The following ADK variants were observed in gnomAD, a reference collection of about 807,000 sequenced individuals.
ADK encodes the protein N6,N6-dimethyladenosine kinase.
In ADK, 24 loss-of-function variants were observed where a neutral mutation model predicts 44.7. That is an observed-to-expected ratio of 0.54 (90% CI 0.39 to 0.76). The LOEUF (loss-of-function observed/expected upper bound fraction) is 0.76, where lower values mean the gene tolerates loss of function less well. ADK is among the 30% of genes least tolerant of loss of function. The probability of loss-of-function intolerance (pLI) is 0.00; values close to 1 mark genes in which losing one functional copy is unlikely to be tolerated. For synonymous variants in ADK, 128 were observed against 142.6 expected (o/e 0.90, Z 0.73); for missense variants, 321 against 425.1 (o/e 0.76, Z 2.15).
At chr10:74,188,079 G>T (rs1436214678) in intron 1 of ADK, among the ~76,000 whole-genome samples, 1 of 152,082 alleles carries the variant, frequency 6.6e-6, no homozygotes, top group Non-Finnish European at 1.5e-5. Flanking sequence ...TAAGCATTCA[G>T]GTTCTTCACT....
At chr10:74,245,169 G>A (rs1048879880) in intron 3 of ADK, among the ~76,000 whole-genome samples, 9 of 152,136 alleles carry the variant, frequency 5.9e-5, no homozygotes, top group African/African-American at 2.2e-4. Context: ...AAGGGTACAT[G>A]TATAACTTTC....
intron 2 of ADK, among the ~76,000 whole-genome samples, chr10:74,203,266 T>G (rs2132160570): frequency 6.6e-6 from 1 of 152,342 alleles, no homozygotes; most frequent in African/African-American, 2.4e-5. Context: ...CATAGATATA[T>G]GGGTAAATTT....
At chr10:74,698,657 A>T (rs1260066666) in intron 10 of ADK, among the ~76,000 whole-genome samples, 1 of 151,924 alleles carries the variant, frequency 6.6e-6, no homozygotes, top group East Asian at 1.9e-4. Context: ...GGCTTGGGTG[A>T]TCCTCCCACC....
At chr10:74,676,058 A>AG in intron 10 of ADK, among the ~76,000 whole-genome samples, 1 of 151,750 alleles carries the variant, frequency 6.6e-6, no homozygotes, top group Non-Finnish European at 1.5e-5. Flanking sequence ...AAAAAAAAAA[A>AG]ACACCTTCAT....
intron 4 of ADK, among the ~76,000 whole-genome samples, chr10:74,391,762 A>G: frequency 6.6e-6 from 1 of 151,738 alleles, no homozygotes. Flanking sequence ...TAAATGTACC[A>G]ATTAGTATAC....
Position 74,385,680 on chromosome 10 carries a change from A to G in ADK, c.274-8461A>G, listed in dbSNP as rs1002217494. On this transcript the variant is annotated intron_variant, in intron 4 of 10. Coordinates refer to ENST00000539909, the MANE Select transcript of ADK (RefSeq NM_006721.4). ...TTGTCATCGTCAGCTGTACTCTGTA[A>G]TAGGCACTGCCTTGAACACTTTGCT... Among the ~76,000 whole-genome samples, 5 of 152,166 alleles carry G rather than the reference A, an allele frequency of 3.3e-5. No individual in the cohort carries two copies. The East Asian group carries it at 5.8e-4, about 18-fold the overall frequency.
At chr10:74,467,104 G>A (rs1846385472) in intron 6 of ADK, among the ~76,000 whole-genome samples, 2 of 152,150 alleles carry the variant, frequency 1.3e-5, no homozygotes, top group Admixed American at 6.5e-5. Context: ...TATTGATCCA[G>A]CAGTGTAATT....
intron 3 of ADK, among the ~76,000 whole-genome samples, chr10:74,294,288 CTT>C (rs1215680885): frequency 3.4e-5 from 5 of 145,592 alleles, no homozygotes; most frequent in Admixed American, 6.9e-5. Flanking sequence ...TCTTTTCTTT[CTT>C]TTTTTTTTTT....
chr10:74,534,936 A>G (rs1480138853), intron 7 of ADK, among the ~76,000 whole-genome samples: 1 of 152,204 alleles, frequency 6.6e-6, no homozygotes, highest in East Asian at 1.9e-4. Context: ...TTCATTATTT[A>G]ATTATTTAAC....
At chr10:74,331,250 T>C (rs904304984) in intron 4 of ADK, among the ~76,000 whole-genome samples, 8 of 152,150 alleles carry the variant, frequency 5.3e-5, no homozygotes, top group African/African-American at 1.9e-4. Context: ...CAATGTGTTT[T>C]GAAAGTTTTG....
intron 10 of ADK, among the ~76,000 whole-genome samples, chr10:74,692,490 AAAAGAAAGAAGG>A (rs1230055524): frequency 2.6e-5 from 4 of 152,194 alleles, no homozygotes; most frequent in African/African-American, 9.6e-5. Context: ...AAAAATAAAA[AAAAGAAAGAAGG>A]AAAGAAATGA....
rs574698243 is a variant in ADK at position 74,533,053 on chromosome 10, T to G, written c.726+7627T>G. On this transcript the variant is annotated intron_variant, in intron 7 of 10. Coordinates refer to ENST00000539909, the MANE Select transcript of ADK (RefSeq NM_006721.4). Reference sequence around the variant, plus strand: ...ACAACCAGAAATTTAAAAATACGATTTCCAATACCATCAAAAAGTATAACA... The same window carrying G: ...ACAACCAGAAATTTAAAAATACGATGTCCAATACCATCAAAAAGTATAACA... Among the ~76,000 whole-genome samples, 38 of 152,288 alleles carry G rather than the reference T, an allele frequency of 2.5e-4. 1 individual carries two copies. In the South Asian group the frequency reaches 7.4e-3, roughly 30 times the overall value.
chr10:74,394,359 A>C, intron 5 of ADK, 46 bp downstream of exon 5: 1 of 1,559,462 alleles, frequency 6.4e-7, no homozygotes, highest in East Asian at 2.2e-5. Flanking sequence ...GGCTATTTTA[A>C]CACTGGTAAA....
intron 9 of ADK, among the ~76,000 whole-genome samples, chr10:74,620,511 T>G (rs7070707): frequency 3.9e-4 from 60 of 152,342 alleles, no homozygotes; most frequent in African/African-American, 1.3e-3. Flanking sequence ...CTTTATCCAT[T>G]TATCTGTTGT....
rs1564763581 is a variant in ADK at position 74,510,400 on chromosome 10, T to G, written c.556-14856T>G. On this transcript the variant is annotated intron_variant, in intron 6 of 10. Coordinates refer to ENST00000539909, the MANE Select transcript of ADK (RefSeq NM_006721.4). ...TTCAGATCATTTACCTATTTTTTAA[T>G]AAGATTGGTTTTTTGCTATTGAGAT... Among the ~76,000 whole-genome samples the G allele has an allele frequency of 2.6e-5, 4 of 152,184 alleles. No homozygotes were observed. In the South Asian group the frequency reaches 8.3e-4, roughly 31 times the overall value.
intron 3 of ADK, among the ~76,000 whole-genome samples, chr10:74,249,359 T>C (rs1043920189): frequency 2.6e-5 from 4 of 152,216 alleles, no homozygotes; most frequent in African/African-American, 4.8e-5. Flanking sequence ...ATTTGTTTTG[T>C]TTTCATTTGT....
At chr10:74,674,633 G>A (rs1855315319) in intron 10 of ADK, among the ~76,000 whole-genome samples, 1 of 152,126 alleles carries the variant, frequency 6.6e-6, no homozygotes, top group East Asian at 1.9e-4. Flanking sequence ...TGTAATCCCA[G>A]CACTTTGGGA....
intron 3 of ADK, among the ~76,000 whole-genome samples, chr10:74,262,496 G>A (rs1334617367): frequency 2.0e-5 from 3 of 152,236 alleles, no homozygotes; most frequent in Admixed American, 2.0e-4. Context: ...TCTCCTACCT[G>A]AACTTCAGAT....
chr10:74,179,583 G>A lies in ADK; in HGVS notation c.66-21181G>A, dbSNP rs537555413. The stretch of plus-strand genomic sequence containing the variant: ...AGCATGCTAAAATACACTCCCACCA[G>A]TGCCATTGACAGTTTACAAATGCCA... On this transcript the variant is annotated intron_variant, in intron 1 of 10. Coordinates refer to ENST00000539909, the MANE Select transcript of ADK (RefSeq NM_006721.4). Among the ~76,000 whole-genome samples the A allele has an allele frequency of 7.9e-5, 12 of 152,224 alleles. No individual in the cohort carries two copies. The East Asian group carries it at 2.1e-3, about 27-fold the overall frequency.
Sources: allele counts gnomAD v4.1 joint callset (sites outside exome capture counted in the v4.1 genomes callset), GRCh38; gene constraint gnomAD v4.1.1; transcripts MANE v1.5; gene names NCBI Gene and HGNC (gene_info 2026-07-23, HGNC 2026-07-21).